The following STAG1 variants were observed in gnomAD, a reference collection of about 807,000 sequenced individuals.
The protein encoded by STAG1 is STAG1 cohesin complex component.
STAG1 carries 26 observed loss-of-function variants against 170.9 expected under a neutral mutation model. The ratio of observed to expected loss-of-function variants is 0.15; its 90% CI spans 0.11 to 0.21. The LOEUF (loss-of-function observed/expected upper bound fraction) is 0.21, where lower values mean the gene tolerates loss of function less well. Ranked by LOEUF, STAG1 falls within the 10% of genes least tolerant of loss-of-function variation. The pLI is 1.00. For synonymous variants in STAG1, 514 were observed against 497.7 expected (o/e 1.03, Z -0.44); for missense variants, 964 against 1,509.5 (o/e 0.64, Z 5.99).
At chr3:136,491,253 G>A (rs2090119452) in intron 9 of STAG1, among the ~76,000 whole-genome samples, 2 of 152,056 alleles carry the variant, frequency 1.3e-5, no homozygotes, top group South Asian at 4.2e-4. Context: ...GTGTAGCTGG[G>A]ACTACAGGTG....
chr3:136,604,832 T>C (rs989948577), intron 3 of STAG1, among the ~76,000 whole-genome samples: 36 of 152,136 alleles, frequency 2.4e-4, no homozygotes, highest in Admixed American at 1.7e-3. Context: ...GTATTTTCAA[T>C]AGAGACGGAG....
At chr3:136,470,929 A>C (rs2089610026) in intron 12 of STAG1, among the ~76,000 whole-genome samples, 1 of 148,132 alleles carries the variant, frequency 6.8e-6, no homozygotes, top group Non-Finnish European at 1.5e-5. Context: ...TGGGAATTGA[A>C]CAATGAGAAC....
chr3:136,370,402 C>T (rs1386643991), intron 23 of STAG1, among the ~76,000 whole-genome samples: 1 of 152,010 alleles, frequency 6.6e-6, no homozygotes, highest in African/African-American at 2.4e-5. Flanking sequence ...GGTACATGTG[C>T]ACAACGTGCA....
At chr3:136,561,615 T>C (rs1426779529) in intron 5 of STAG1, among the ~76,000 whole-genome samples, 4 of 152,234 alleles carry the variant, frequency 2.6e-5, no homozygotes, top group Non-Finnish European at 4.4e-5. Context: ...CTGATTCTCC[T>C]GAGTTTTCTA....
At chr3:136,717,689 A>C (rs1459971180) in intron 1 of STAG1, among the ~76,000 whole-genome samples, 1 of 152,214 alleles carries the variant, frequency 6.6e-6, no homozygotes, top group Non-Finnish European at 1.5e-5. Flanking sequence ...TACGGAAAAA[A>C]ATTGTAGTTT....
intron 9 of STAG1, among the ~76,000 whole-genome samples, chr3:136,479,324 G>C (rs1054865418): frequency 7.8e-6 from 1 of 127,500 alleles, no homozygotes; most frequent in Non-Finnish European, 1.7e-5. Flanking sequence ...GAGAATATGC[G>C]GTGTTTGGTT....
intron 1 of STAG1, among the ~76,000 whole-genome samples, chr3:136,657,199 T>TC (rs1941412877): frequency 7.0e-6 from 1 of 142,776 alleles, no homozygotes. Flanking sequence ...CTTTTTTTTT[T>TC]TTTTTTTTTT....
chr3:136,602,304 G>GGGAGGC (rs1476363694), intron 4 of STAG1, among the ~76,000 whole-genome samples: 4 of 151,412 alleles, frequency 2.6e-5, no homozygotes, highest in Non-Finnish European at 5.9e-5. Context: ...GCTTGAACCT[G>GGGAGGC]GGAGGCGGAG....
At chr3:136,356,923 T>A (rs1447626030) in intron 28 of STAG1, among the ~76,000 whole-genome samples, 2 of 150,940 alleles carry the variant, frequency 1.3e-5, no homozygotes, top group Non-Finnish European at 3.0e-5. Context: ...TAGCTAATTT[T>A]TTTTTATTTT....
At chr3:136,487,343 A>C (rs1450721884) in intron 9 of STAG1, among the ~76,000 whole-genome samples, 1 of 152,144 alleles carries the variant, frequency 6.6e-6, no homozygotes, top group Non-Finnish European at 1.5e-5. Context: ...TATTCCATGG[A>C]GTGTATGTAC....
intron 1 of STAG1, among the ~76,000 whole-genome samples, chr3:136,707,061 T>C (rs970852863): frequency 6.6e-6 from 1 of 152,270 alleles, no homozygotes; most frequent in African/African-American, 2.4e-5. Flanking sequence ...TCAAAATGGA[T>C]CAGTGGCCTA....
intron 1 of STAG1, among the ~76,000 whole-genome samples, chr3:136,708,727 T>C (rs932776099): frequency 6.6e-6 from 1 of 152,174 alleles, no homozygotes; most frequent in Non-Finnish European, 1.5e-5. Context: ...ATTACTACTA[T>C]ATAGCTACTT....
At chr3:136,554,627 GCTCATGCCTGTAA>G (rs1193598945) in intron 5 of STAG1, among the ~76,000 whole-genome samples, 2 of 152,186 alleles carry the variant, frequency 1.3e-5, no homozygotes, top group Non-Finnish European at 2.9e-5. Context: ...AGGCACAGTG[GCTCATGCCTGTAA>G]TCCCAGCATA....
At chr3:136,533,047 C>G (rs1935455583) in intron 6 of STAG1, among the ~76,000 whole-genome samples, 1 of 152,088 alleles carries the variant, frequency 6.6e-6, no homozygotes, top group African/African-American at 2.4e-5. Flanking sequence ...ATTCTTAGAG[C>G]TGATAGCAAA....
At chr3:136,617,766 G>A (rs1462311616) in intron 3 of STAG1, among the ~76,000 whole-genome samples, 1 of 152,038 alleles carries the variant, frequency 6.6e-6, no homozygotes, top group Non-Finnish European at 1.5e-5. Context: ...ACAACGCTGG[G>A]TCAAAAAGAG....
chr3:136,508,887 C>CGAGAGA (rs111390217), intron 7 of STAG1, among the ~76,000 whole-genome samples: 10 of 149,376 alleles, frequency 6.7e-5, no homozygotes, highest in South Asian at 2.1e-4. Flanking sequence ...CGCGCGTGCG[C>CGAGAGA]GAGAGAGAGA....
intron 1 of STAG1, among the ~76,000 whole-genome samples, chr3:136,735,193 C>A (rs1934265390): frequency 6.6e-6 from 1 of 152,030 alleles, no homozygotes; most frequent in African/African-American, 2.4e-5. Flanking sequence ...CCTCGGCTCA[C>A]TACAACCTTA....
At chr3:136,556,252 C>T (rs1184099647) in intron 5 of STAG1, among the ~76,000 whole-genome samples, 4 of 152,130 alleles carry the variant, frequency 2.6e-5, no homozygotes, top group Non-Finnish European at 5.9e-5. Flanking sequence ...CTCTAAAATA[C>T]TTGGCAGAGG....
At chr3:136,723,122 G>C (rs1478561177) in intron 1 of STAG1, among the ~76,000 whole-genome samples, 1 of 152,244 alleles carries the variant, frequency 6.6e-6, no homozygotes, top group Non-Finnish European at 1.5e-5. Flanking sequence ...ACGCCGTCTG[G>C]GAAGTGAGGA....
Sources: gnomAD v4.1 joint callset for allele counts (sites outside exome capture counted in the v4.1 genomes callset) on GRCh38, gnomAD v4.1.1 for gene constraint, MANE v1.5 for transcripts, NCBI Gene and HGNC (gene_info 2026-07-23, HGNC 2026-07-21) for gene names.